SCFD2: variants seen among roughly 807,000 people sequenced by gnomAD.
The protein encoded by SCFD2 is sec1 family domain containing 2.
SCFD2 carries 54 observed loss-of-function variants against 58.9 expected under a neutral mutation model. The observed-to-expected ratio is 0.92, with a 90% CI of 0.74 to 1.15. The LOEUF is 1.15. SCFD2 is among the 50% of genes most tolerant of loss of function. SCFD2 has a pLI of 0.00. For synonymous variants in SCFD2, 321 were observed against 335.9 expected (o/e 0.96, Z 0.49); for missense variants, 805 against 836.6 (o/e 0.96, Z 0.47).
intron 5 of SCFD2, among the ~76,000 whole-genome samples, chr4:52,980,773 T>C (rs978266404): frequency 2.6e-5 from 4 of 152,322 alleles, no homozygotes; most frequent in Middle Eastern, 3.4e-3. Flanking sequence ...TGACACTTTG[T>C]CTGATCCCTC....
At chr4:52,900,084 C>T (rs974892172) in intron 7 of SCFD2, among the ~76,000 whole-genome samples, 3 of 152,080 alleles carry the variant, frequency 2.0e-5, no homozygotes, top group African/African-American at 7.2e-5. Context: ...ACTGCTTTGC[C>T]ATGGGTTTGA....
At chr4:53,238,502 A>AC (rs1199509100) in intron 4 of SCFD2, among the ~76,000 whole-genome samples, 10 of 141,300 alleles carry the variant, frequency 7.1e-5, no homozygotes, top group East Asian at 2.2e-4. Flanking sequence ...GCGGGGGCTG[A>AC]CCCCCCCACC....
intron 4 of SCFD2, among the ~76,000 whole-genome samples, chr4:53,208,342 C>T (rs975494958): frequency 1.3e-5 from 2 of 151,962 alleles, no homozygotes; most frequent in African/African-American, 2.4e-5. Flanking sequence ...GTTTATTGAG[C>T]GAAGTAACAA....
chr4:53,057,663 A>AC (rs1553873126), intron 5 of SCFD2, among the ~76,000 whole-genome samples: 19 of 152,008 alleles, frequency 1.2e-4, no homozygotes, highest in Admixed American at 1.2e-3. Flanking sequence ...CATGTATCCC[A>AC]TTTTTTTTAG....
chr4:53,109,269 G>A (rs1484433449), intron 5 of SCFD2, among the ~76,000 whole-genome samples: 1 of 152,114 alleles, frequency 6.6e-6, no homozygotes, highest in African/African-American at 2.4e-5. Context: ...CATACTGAAT[G>A]GGCAAAAACT....
intron 7 of SCFD2, among the ~76,000 whole-genome samples, chr4:52,905,747 C>T (rs962338276): frequency 2.6e-5 from 4 of 152,022 alleles, no homozygotes; most frequent in African/African-American, 9.7e-5. Context: ...GACAGTGGAG[C>T]AGGAAGAGAT....
intron 5 of SCFD2, among the ~76,000 whole-genome samples, chr4:53,012,970 C>T (rs1340373360): frequency 2.0e-5 from 3 of 152,020 alleles, no homozygotes; most frequent in Admixed American, 6.6e-5. Context: ...CAGGAAGGGG[C>T]CCTAGCTAGA....
chr4:52,901,673 T>A (rs1048407869), intron 7 of SCFD2, among the ~76,000 whole-genome samples: 1 of 152,196 alleles, frequency 6.6e-6, no homozygotes, highest in Admixed American at 6.5e-5. Context: ...ATCAATATTA[T>A]TTTAAATCAA....
At chr4:53,249,788 C>T (rs1269657511) in intron 4 of SCFD2, among the ~76,000 whole-genome samples, 1 of 152,130 alleles carries the variant, frequency 6.6e-6, no homozygotes, top group Non-Finnish European at 1.5e-5. Context: ...CCTAAAAGAG[C>T]TCCTGAAGGA....
chr4:53,129,705 A>G (rs1725733322), intron 5 of SCFD2, among the ~76,000 whole-genome samples: 1 of 152,250 alleles, frequency 6.6e-6, no homozygotes, highest in Non-Finnish European at 1.5e-5. Context: ...CTTTTATGCA[A>G]TAATGTCTCC....
intron 4 of SCFD2, among the ~76,000 whole-genome samples, chr4:53,200,274 T>C (rs1728188808): frequency 6.6e-6 from 1 of 152,044 alleles, no homozygotes; most frequent in African/African-American, 2.4e-5. Context: ...AACCAGGATA[T>C]AAGAAACAGA....
At chr4:53,203,408 G>A (rs368177951) in intron 4 of SCFD2, among the ~76,000 whole-genome samples, 3 of 151,994 alleles carry the variant, frequency 2.0e-5, no homozygotes, top group African/African-American at 7.2e-5. Context: ...CATAACTAAA[G>A]ATCTGTAAGT....
chr4:53,142,899 A>G (rs1444863891), intron 5 of SCFD2, among the ~76,000 whole-genome samples: 1 of 152,218 alleles, frequency 6.6e-6, no homozygotes, highest in Non-Finnish European at 1.5e-5. Flanking sequence ...TTTATTTGAC[A>G]TCTTCTTTAC....
At position 53,046,425 on chromosome 4, in the gene SCFD2, G is replaced by A. The variant is rs558617631; in HGVS notation, c.1561+98908C>T. On this transcript the variant is annotated intron_variant, in intron 5 of 8. Transcript: ENST00000401642. ...AGACAGGTTCTCATTATGTTGCCCA[G>A]GCTAGTCTCAAACTCCTGAGCACAA... Among the ~76,000 whole-genome samples the A allele has an allele frequency of 3.6e-4, 54 of 152,030 alleles. No homozygotes were observed. In the South Asian group the frequency reaches 0.011, roughly 30 times the overall value.
intron 2 of SCFD2, among the ~76,000 whole-genome samples, chr4:53,327,101 T>C (rs761055427): frequency 3.3e-5 from 5 of 151,508 alleles, no homozygotes; most frequent in South Asian, 2.1e-4. Flanking sequence ...GCAGAGTTCA[T>C]GTAATGAGCA....
chr4:53,300,931 C>T (rs1037878859), intron 3 of SCFD2, among the ~76,000 whole-genome samples: 10 of 152,346 alleles, frequency 6.6e-5, no homozygotes, highest in African/African-American at 2.4e-4. Context: ...ATCAGAATCT[C>T]TGGGACACAT....
At chr4:52,903,094 GAATTT>G (rs1437351870) in intron 7 of SCFD2, among the ~76,000 whole-genome samples, 1 of 152,124 alleles carries the variant, frequency 6.6e-6, no homozygotes, top group African/African-American at 2.4e-5. Context: ...TCGATTCCTT[GAATTT>G]CTCAGTCTAC....
At chr4:53,069,920 C>T (rs977320186) in intron 5 of SCFD2, among the ~76,000 whole-genome samples, 7 of 151,894 alleles carry the variant, frequency 4.6e-5, no homozygotes, top group South Asian at 2.1e-4. Flanking sequence ...CTGTATCAAT[C>T]GATATTTTTA....
At position 53,140,392 on chromosome 4, in the gene SCFD2, A is replaced by AAT. The variant is rs1553880149; in HGVS notation, c.1561+4939_1561+4940dup. ...AAATAAAAAGAACACCAAAAATGCT[A>AAT]ATATATATATATATATATATAAATT... On this transcript the variant is annotated intron_variant, in intron 5 of 8. Transcript: ENST00000401642. Among the ~76,000 whole-genome samples the AAT allele has an allele frequency of 1.5e-4, 15 of 97,496 alleles. 1 individual carries two copies. Among genetic ancestry groups the AAT allele is most frequent in the African/African-American group, 5.9e-4 (14 of 23,890 alleles). 64.0% of individuals were successfully genotyped at this position (97,496 alleles called of 152,430 possible). A position where few individuals can be genotyped will look rare whatever the true frequency, so the allele number is the denominator to read the frequency against.
Sources: gnomAD v4.1 joint callset for allele counts (sites outside exome capture counted in the v4.1 genomes callset) on GRCh38, gnomAD v4.1.1 for gene constraint, MANE v1.5 for transcripts, NCBI Gene and HGNC (gene_info 2026-07-23, HGNC 2026-07-21) for gene names.